The following MMP16 variants were observed in gnomAD, a reference collection of about 807,000 sequenced individuals.
The protein encoded by MMP16 is matrix metallopeptidase 16.
Under a neutral mutation model 67.8 loss-of-function variants are expected in MMP16, and 12 were observed. The ratio of observed to expected loss-of-function variants is 0.18; its 90% CI spans 0.11 to 0.29. The LOEUF is 0.29. Ranked by LOEUF, MMP16 falls within the 10% of genes least tolerant of loss-of-function variation. The pLI, the probability that MMP16 is intolerant of heterozygous loss-of-function variation, is 1.00. For missense variants in MMP16, 475 were observed against 765.7 expected, an observed-to-expected ratio of 0.62 and a Z score of 4.48; for synonymous variants, 249 against 255.9, an observed-to-expected ratio of 0.97 and a Z score of 0.26.
intron 1 of MMP16, among the ~76,000 whole-genome samples, chr8:88,319,148 T>C (rs562642675): frequency 2.0e-5 from 3 of 152,280 alleles, no homozygotes; most frequent in Admixed American, 1.3e-4. Context: ...CAGTCCATCA[T>C]ACATAGGCAA....
chr8:88,121,599 A>C (rs543115681), intron 4 of MMP16, among the ~76,000 whole-genome samples: 1 of 152,014 alleles, frequency 6.6e-6, no homozygotes, highest in Non-Finnish European at 1.5e-5. Context: ...ATTATTCAAA[A>C]TCCTTAATTG....
chr8:88,168,695 G>T (rs1026555966), intron 3 of MMP16, among the ~76,000 whole-genome samples: 3 of 151,562 alleles, frequency 2.0e-5, no homozygotes, highest in Non-Finnish European at 4.4e-5. Context: ...TTTTTTCTCA[G>T]CTTTTTTCTA....
chr8:88,273,972 C>CCAT lies in MMP16; in HGVS notation c.132+53100_132+53102dup, dbSNP rs138968036. The stretch of plus-strand genomic sequence containing the variant: ...GTTATTTTTATCATTTTCTTCATCA[C>CCAT]CATCATCATCATCATCATCATCAAC... On this transcript the variant is annotated intron_variant, in intron 1 of 9. Coordinates refer to ENST00000286614, the MANE Select transcript of MMP16 (RefSeq NM_005941.5). Among the ~76,000 whole-genome samples, 287 of 151,946 alleles carry CCAT rather than the reference C, an allele frequency of 1.9e-3. 4 individuals carry two copies. In the South Asian group the frequency reaches 0.027, roughly 14 times the overall value.
At position 88,277,390 on chromosome 8, in the gene MMP16, C is replaced by T. The variant is rs1184644264; in HGVS notation, c.132+49685G>A. Among the ~76,000 whole-genome samples the T allele has an allele frequency of 1.3e-5, 2 of 152,130 alleles. 1 individual carries two copies. The highest frequency in any genetic ancestry group is 2.9e-5 in the Non-Finnish European group (2 of 68,004). On this transcript the variant is annotated intron_variant, in intron 1 of 9. Coordinates refer to ENST00000286614, the MANE Select transcript of MMP16 (RefSeq NM_005941.5). ...TCTCACAGCCTCCAGATCTACATCT[C>T]CACCCAGGTGTGCTATCAAGATGAA...
chr8:88,302,762 T>G (rs1239274808), intron 1 of MMP16, among the ~76,000 whole-genome samples: 2 of 152,038 alleles, frequency 1.3e-5, no homozygotes, highest in Admixed American at 1.3e-4. Flanking sequence ...TCTGTAACAC[T>G]CACAGAGAAG....
chr8:88,323,487 T>C (rs1811490967), intron 1 of MMP16, among the ~76,000 whole-genome samples: 2 of 152,156 alleles, frequency 1.3e-5, no homozygotes, highest in Non-Finnish European at 1.5e-5. Flanking sequence ...CTTTCTTTAA[T>C]CAGGAACAAC....
chr8:88,166,723 A>G (rs981269426), intron 4 of MMP16, among the ~76,000 whole-genome samples: 15 of 127,632 alleles, frequency 1.2e-4, no homozygotes, highest in African/African-American at 4.6e-4. Context: ...ATATATATAT[A>G]TATATATTCT....
chr8:88,209,948 G>A (rs1478424408), intron 1 of MMP16, among the ~76,000 whole-genome samples: 2 of 152,028 alleles, frequency 1.3e-5, no homozygotes, highest in African/African-American at 4.8e-5. Flanking sequence ...TAGGAGGTAG[G>A]GCCTTTGGGA....
At chr8:88,218,138 G>A (rs1329733785) in intron 1 of MMP16, among the ~76,000 whole-genome samples, 1 of 151,860 alleles carries the variant, frequency 6.6e-6, no homozygotes, top group Non-Finnish European at 1.5e-5. Flanking sequence ...CTTGGAGAGG[G>A]GTATTATGTA....
intron 6 of MMP16, among the ~76,000 whole-genome samples, chr8:88,075,938 T>TACACACAGACACACACAC (rs1808641868): frequency 7.1e-6 from 1 of 140,410 alleles, no homozygotes; most frequent in South Asian, 2.3e-4. Flanking sequence ...CATATATTCA[T>TACACACAGACACACACAC]ACACACACAC....
chr8:88,134,230 T>A (rs1808081194), intron 4 of MMP16, among the ~76,000 whole-genome samples: 1 of 151,672 alleles, frequency 6.6e-6, no homozygotes, highest in South Asian at 2.1e-4. Flanking sequence ...GCTTTCAAAA[T>A]CCCAGAGTCT....
chr8:88,239,606 A>G (rs1431780230), intron 1 of MMP16, among the ~76,000 whole-genome samples: 3 of 152,026 alleles, frequency 2.0e-5, no homozygotes, highest in Non-Finnish European at 2.9e-5. Context: ...GTTTCCACAG[A>G]TGTAAACAAA....
At position 88,033,219 on chromosome 8, in the gene MMP16, G is replaced by A. The variant is rs1375861987; in HGVS notation, c.*8242C>T. ...CTGACTCTGAATGATAAATGTCTGT[G>A]CATTTTTTAAATATATGGTATTTAT... is the stretch of plus-strand genomic sequence containing the variant. On this transcript the variant is annotated 3_prime_UTR_variant, in exon 10 of 10. Transcript: ENST00000286614. 2 of 151,088 alleles carry A rather than the reference G, an allele frequency of 1.3e-5. No homozygotes were observed. Among genetic ancestry groups the A allele is most frequent in the Non-Finnish European group, 3.0e-5 (2 of 67,746 alleles). The allele number at this position is 151,088 out of a possible 1,614,324, so 9.4% of individuals were successfully genotyped here. A position where few individuals can be genotyped will look rare whatever the true frequency, so the allele number is the denominator to read the frequency against.
At chr8:88,144,231 A>G (rs1808256326) in intron 4 of MMP16, among the ~76,000 whole-genome samples, 1 of 151,982 alleles carries the variant, frequency 6.6e-6, no homozygotes. Context: ...ACCAGAGCTA[A>G]ATGATGCCGT....
chr8:88,116,837 T>C (rs1213648691), intron 5 of MMP16, 119 bp from the exon 6 acceptor site: 1 of 871,892 alleles, frequency 1.1e-6, no homozygotes. Flanking sequence ...CTAAGAGGTC[T>C]TTAAGATCGT....
chr8:88,193,206 A>G (rs1032723679), intron 2 of MMP16, among the ~76,000 whole-genome samples: 36 of 152,312 alleles, frequency 2.4e-4, no homozygotes, highest in Admixed American at 7.2e-4. Context: ...TTTATACACA[A>G]TGGAATATTA....
chr8:88,069,300 G>C (rs930190245), intron 7 of MMP16: 2 of 357,316 alleles, frequency 5.6e-6, no homozygotes, highest in Non-Finnish European at 1.1e-5. Flanking sequence ...TGATCCCTCG[G>C]TATTTGGTGT....
At chr8:88,260,239 C>A (rs1216093234) in intron 1 of MMP16, among the ~76,000 whole-genome samples, 1 of 152,102 alleles carries the variant, frequency 6.6e-6, no homozygotes, top group Non-Finnish European at 1.5e-5. Context: ...ACTGTATTGT[C>A]ATTCCTATGA....
At chr8:88,144,358 T>C (rs1006961755) in intron 4 of MMP16, among the ~76,000 whole-genome samples, 1 of 151,808 alleles carries the variant, frequency 6.6e-6, no homozygotes, top group Non-Finnish European at 1.5e-5. Flanking sequence ...AAGTGCCAAT[T>C]TTACTCTAAA....
Sources: gnomAD v4.1 joint callset for allele counts (sites outside exome capture counted in the v4.1 genomes callset) on GRCh38, gnomAD v4.1.1 for gene constraint, MANE v1.5 for transcripts, NCBI Gene and HGNC (gene_info 2026-07-23, HGNC 2026-07-21) for gene names.